Variants in FKTN observed in about 807,000 individuals in gnomAD.
FKTN encodes the protein fukutin.
A neutral mutation model predicts 58.6 loss-of-function variants in FKTN; 47 were observed. The ratio of observed to expected loss-of-function variants is 0.80; its 90% CI spans 0.63 to 1.02. FKTN has a LOEUF of 1.02. FKTN is among the 50% of genes least tolerant of loss of function. The pLI is 0.00. For missense variants in FKTN, 516 were observed against 537.3 expected, an observed-to-expected ratio of 0.96 and a Z score of 0.39; for synonymous variants, 178 against 191.9, an observed-to-expected ratio of 0.93 and a Z score of 0.60.
chr9:105,576,415 G>C (rs569845386), intron 3 of FKTN, among the ~76,000 whole-genome samples: 1 of 151,830 alleles, frequency 6.6e-6, no homozygotes, highest in African/African-American at 2.4e-5. Flanking sequence ...AGAATATGCG[G>C]TGTTTGGTTT....
intron 10 of FKTN, among the ~76,000 whole-genome samples, chr9:105,622,704 A>G (rs1832171257): frequency 6.6e-6 from 1 of 152,038 alleles, no homozygotes. Context: ...TTCTTCTTAG[A>G]GTTAATAGGT....
chr9:105,559,830 G>C (rs1190041582), intron 1 of FKTN, among the ~76,000 whole-genome samples: 1 of 152,142 alleles, frequency 6.6e-6, no homozygotes, highest in Non-Finnish European at 1.5e-5. Flanking sequence ...CTTGAGAATG[G>C]ATTTGGTTTC....
chr9:105,600,571 G>A (rs1324481407), intron 4 of FKTN, among the ~76,000 whole-genome samples: 1 of 152,042 alleles, frequency 6.6e-6, no homozygotes, highest in East Asian at 1.9e-4. Flanking sequence ...TGCAGTATTA[G>A]AAAAGCACAT....
intron 6 of FKTN, among the ~76,000 whole-genome samples, chr9:105,607,077 TAAA>T (rs1483519395): frequency 2.6e-5 from 4 of 152,050 alleles, no homozygotes; most frequent in African/African-American, 9.6e-5. Context: ...AATAACTTAG[TAAA>T]GTTCAAAATT....
intron 10 of FKTN, 136 bp downstream of exon 10, chr9:105,620,197 C>A: frequency 1.4e-6 from 1 of 693,898 alleles, no homozygotes; most frequent in Non-Finnish European, 2.4e-6. Context: ...TCTTAGCTTA[C>A]CCATAGAGTC....
At chr9:105,616,895 G>C (rs1263719950) in intron 8 of FKTN, among the ~76,000 whole-genome samples, 1 of 141,138 alleles carries the variant, frequency 7.1e-6, no homozygotes, top group Non-Finnish European at 1.6e-5. Context: ...AAAAAAAAAA[G>C]TACATCTCAC....
At position 105,575,119 on chromosome 9, in the gene FKTN, G is replaced by A; in HGVS notation, c.87G>A (p.Lys29=). The change falls in exon 3 of 11, where the codon AAG becomes AAA. Residue 29 remains lysine (K), a synonymous_variant. Coordinates refer to ENST00000357998, the MANE Select transcript of FKTN (RefSeq NM_001079802.2). Reference sequence around the variant, plus strand: ...TGCTGTTTCAGTTGTACTACTACAAGCACTATTTATCAACAAAGGTAATTT... The same window carrying A: ...TGCTGTTTCAGTTGTACTACTACAAACACTATTTATCAACAAAGGTAATTT... The part of the protein sequence containing the change: ...AFLLFQLYYY[K]HYLSTKNGAG... 6.3e-7 allele frequency: 1 copy of A among 1,595,606 alleles called. No individual in the cohort carries two copies. Among genetic ancestry groups the A allele is most frequent in the Non-Finnish European group, 8.6e-7 (1 of 1,163,350 alleles).
chr9:105,619,108 T>TA (rs2133190563), intron 9 of FKTN, among the ~76,000 whole-genome samples: 1 of 151,372 alleles, frequency 6.6e-6, no homozygotes, highest in East Asian at 1.9e-4. Context: ...TTTTCCATCA[T>TA]AAATAGTTAT....
At chr9:105,581,986 G>A (rs1471213230) in intron 3 of FKTN, among the ~76,000 whole-genome samples, 3 of 152,180 alleles carry the variant, frequency 2.0e-5, no homozygotes, top group Admixed American at 6.5e-5. Context: ...CTGACACCTT[G>A]CGCTTCCCAG....
At chr9:105,627,530 T>G (rs1832889660) in intron 10 of FKTN, among the ~76,000 whole-genome samples, 1 of 152,206 alleles carries the variant, frequency 6.6e-6, no homozygotes, top group Non-Finnish European at 1.5e-5. Context: ...TGTTCTAAGA[T>G]CTAATCCAGG....
intron 7 of FKTN, among the ~76,000 whole-genome samples, chr9:105,613,857 G>A (rs1284284848): frequency 2.6e-5 from 4 of 152,156 alleles, no homozygotes; most frequent in Middle Eastern, 3.2e-3. Context: ...TCCTGAATAG[G>A]AACATTGGAA....
chr9:105,632,041 G>T (rs1322115605), intron 10 of FKTN, among the ~76,000 whole-genome samples: 6 of 150,596 alleles, frequency 4.0e-5, no homozygotes, highest in Non-Finnish European at 8.9e-5. Context: ...ATGATAGACT[G>T]GATTAAGAAA....
At chr9:105,582,163 G>C (rs1843095079) in intron 3 of FKTN, among the ~76,000 whole-genome samples, 1 of 152,176 alleles carries the variant, frequency 6.6e-6, no homozygotes, top group Admixed American at 6.5e-5. Context: ...GACCGGAGCT[G>C]TTCCTATTCG....
chr9:105,611,334 TTTTA>T (rs919613221), intron 7 of FKTN, among the ~76,000 whole-genome samples: 7 of 152,138 alleles, frequency 4.6e-5, no homozygotes, highest in African/African-American at 1.7e-4. Context: ...TGGGATTTAT[TTTTA>T]TTTGTTTACT....
intron 6 of FKTN, among the ~76,000 whole-genome samples, chr9:105,605,984 AATATTGCAT>A (rs1393320401): frequency 1.3e-5 from 2 of 152,182 alleles, no homozygotes; most frequent in Non-Finnish European, 2.9e-5. Context: ...CTTGTATCAA[AATATTGCAT>A]GTAACCCATA....
rs147514939 is a variant in FKTN at position 105,596,776 on chromosome 9, G to A, written c.165+119G>A. On this transcript the variant is annotated intron_variant, in intron 4 of 10. Transcript: ENST00000357998. ...TAGCTACCTTGTGTGGTGGGTGGCC[G>A]GTTGGTAGTGGCAGGTAAGGGACAG... 1.3e-3 allele frequency: 1,018 copies of A among 794,224 alleles called. 4 individuals are homozygous for A. In the African/African-American group the frequency reaches 0.015, roughly 11 times the overall value. The allele number at this position is 794,224 out of a possible 1,614,324, so 49.2% of individuals were successfully genotyped here.
At chr9:105,587,795 A>C (rs1439170435) in intron 3 of FKTN, among the ~76,000 whole-genome samples, 1 of 152,188 alleles carries the variant, frequency 6.6e-6, no homozygotes, top group African/African-American at 2.4e-5. Flanking sequence ...GATTATTAAG[A>C]ATCACAGCTT....
chr9:105,614,269 A>G (rs1285115474), intron 7 of FKTN, among the ~76,000 whole-genome samples: 1 of 152,204 alleles, frequency 6.6e-6, no homozygotes, highest in Non-Finnish European at 1.5e-5. Context: ...TGACCTGACA[A>G]TTTGCAAGAC....
intron 8 of FKTN, 92 bp from the exon 9 acceptor site, chr9:105,617,867 G>C: frequency 1.1e-6 from 1 of 875,976 alleles, no homozygotes; most frequent in Non-Finnish European, 1.8e-6. Flanking sequence ...TAAAAAAAAA[G>C]AAAAAAAATC....
Sources: gnomAD v4.1 joint callset for allele counts (sites outside exome capture counted in the v4.1 genomes callset) on GRCh38, gnomAD v4.1.1 for gene constraint, MANE v1.5 for transcripts, NCBI Gene and HGNC (gene_info 2026-07-23, HGNC 2026-07-21) for gene names.